SNTG1: variants seen among roughly 807,000 people sequenced by gnomAD.
SNTG1 encodes gamma-1-syntrophin.
SNTG1 carries 39 observed loss-of-function variants against 74.7 expected under a neutral mutation model. The ratio of observed to expected loss-of-function variants is 0.52; its 90% CI spans 0.40 to 0.68. The LOEUF (loss-of-function observed/expected upper bound fraction) is 0.68. Among genes scored for constraint, SNTG1 ranks in the 30% least tolerant of loss-of-function variants. SNTG1 has a pLI of 0.00. For synonymous variants in SNTG1, 254 were observed against 217.1 expected, an observed-to-expected ratio of 1.17 and a Z score of -1.49; for missense variants, 685 against 609.5, an observed-to-expected ratio of 1.12 and a Z score of -1.30.
intron 9 of SNTG1, among the ~76,000 whole-genome samples, chr8:50,515,318 A>G (rs1411169501): frequency 6.6e-6 from 1 of 151,548 alleles, no homozygotes; most frequent in Non-Finnish European, 1.5e-5. Context: ...AAAAATACAC[A>G]TACCTTAATT....
intron 1 of SNTG1, among the ~76,000 whole-genome samples, chr8:49,939,720 A>G (rs1808510342): frequency 6.6e-6 from 1 of 152,158 alleles, no homozygotes; most frequent in Non-Finnish European, 1.5e-5. Flanking sequence ...TAAAATAACC[A>G]AAATGAACAA....
chr8:50,132,074 A>G (rs2081336320), intron 1 of SNTG1, among the ~76,000 whole-genome samples: 1 of 152,028 alleles, frequency 6.6e-6, no homozygotes, highest in Admixed American at 6.6e-5. Flanking sequence ...TGTTTTGATT[A>G]CTGCAGCTTT....
rs550352112 is a variant in SNTG1 at position 50,779,234 on chromosome 8, G to T, written c.1396-13437G>T. The stretch of plus-strand genomic sequence containing the variant: ...CTTTAAAGTAGTTTTTTCCAATTCT[G>T]TGAAGAAAGTCATTGGTAGCTTGAT... On this transcript the variant is annotated intron_variant, in intron 18 of 18. Coordinates refer to ENST00000642720, the MANE Select transcript of SNTG1 (RefSeq NM_018967.5). Among the ~76,000 whole-genome samples the T allele has an allele frequency of 1.8e-4, 27 of 152,254 alleles. No individual in the cohort carries two copies. In the East Asian group the frequency reaches 2.5e-3, roughly 14 times the overall value.
intron 1 of SNTG1, among the ~76,000 whole-genome samples, chr8:49,950,777 T>C (rs1809629984): frequency 6.6e-6 from 1 of 152,182 alleles, no homozygotes; most frequent in African/African-American, 2.4e-5. Flanking sequence ...GCAAAAAGGC[T>C]GTGGACTCCT....
intron 1 of SNTG1, among the ~76,000 whole-genome samples, chr8:50,158,324 TA>T (rs1268292023): frequency 1.3e-5 from 2 of 152,062 alleles, no homozygotes; most frequent in Non-Finnish European, 2.9e-5. Context: ...TCTTAGGAAA[TA>T]AAAAACAATT....
chr8:50,138,831 T>C (rs1489477365), intron 1 of SNTG1, among the ~76,000 whole-genome samples: 1 of 151,856 alleles, frequency 6.6e-6, no homozygotes, highest in Non-Finnish European at 1.5e-5. Context: ...TAAAAGTGGG[T>C]AGGATTATTG....
At chr8:50,520,023 C>A (rs2094166330) in intron 9 of SNTG1, among the ~76,000 whole-genome samples, 1 of 152,168 alleles carries the variant, frequency 6.6e-6, no homozygotes, top group Admixed American at 6.5e-5. Flanking sequence ...AGGCATCATG[C>A]TACCTGACTT....
At chr8:50,479,662 G>C (rs2093724397) in intron 8 of SNTG1, among the ~76,000 whole-genome samples, 1 of 152,010 alleles carries the variant, frequency 6.6e-6, no homozygotes, top group Admixed American at 6.6e-5. Context: ...TCACTGTGGA[G>C]TCTAGCCTTT....
chr8:50,242,360 C>T (rs114113591), intron 2 of SNTG1, among the ~76,000 whole-genome samples: 2 of 151,586 alleles, frequency 1.3e-5, no homozygotes, highest in African/African-American at 4.8e-5. Context: ...GAAACCCCAT[C>T]TCTACTAACA....
At chr8:50,148,308 A>G (rs2081942495) in intron 1 of SNTG1, among the ~76,000 whole-genome samples, 1 of 152,164 alleles carries the variant, frequency 6.6e-6, no homozygotes, top group Non-Finnish European at 1.5e-5. Flanking sequence ...CAAGAAGTGG[A>G]GCTTAATATC....
intron 2 of SNTG1, among the ~76,000 whole-genome samples, chr8:50,232,667 A>G (rs2085688641): frequency 6.6e-6 from 1 of 151,448 alleles, no homozygotes; most frequent in South Asian, 2.1e-4. Context: ...TCACATGATC[A>G]CCTACATAGA....
chr8:50,219,785 G>A (rs924352820), intron 2 of SNTG1, among the ~76,000 whole-genome samples: 16 of 151,938 alleles, frequency 1.1e-4, no homozygotes, highest in African/African-American at 3.4e-4. Context: ...ATTTGGGTGG[G>A]GACACAAATC....
intron 8 of SNTG1, among the ~76,000 whole-genome samples, chr8:50,466,513 A>G (rs550693375): frequency 6.6e-6 from 1 of 152,120 alleles, no homozygotes; most frequent in South Asian, 2.1e-4. Flanking sequence ...ATTCTGTTGC[A>G]ATTTAAAGTC....
intron 1 of SNTG1, among the ~76,000 whole-genome samples, chr8:50,058,415 C>G (rs1011125924): frequency 8.5e-5 from 13 of 152,110 alleles, no homozygotes; most frequent in African/African-American, 2.4e-5. Context: ...ATCTAAGTCT[C>G]TATTTCCTAT....
intron 12 of SNTG1, among the ~76,000 whole-genome samples, chr8:50,556,479 A>G (rs2130640757): frequency 6.6e-6 from 1 of 152,304 alleles, no homozygotes. Context: ...TATAAATTGT[A>G]AAAAACAGTA....
chr8:50,608,968 A>G (rs1178950386), intron 13 of SNTG1, among the ~76,000 whole-genome samples: 2 of 152,006 alleles, frequency 1.3e-5, no homozygotes, highest in East Asian at 1.9e-4. Context: ...AATTATATAA[A>G]TATTTTGCTG....
chr8:49,990,833 A>G lies in SNTG1; in HGVS notation c.-103+78602A>G, dbSNP rs956692263. 2.6e-5 allele frequency among the ~76,000 whole-genome samples: 4 copies of G among 152,174 alleles called. No individual in the cohort carries two copies. The East Asian group carries it at 5.8e-4, about 22-fold the overall frequency. Reference sequence around the variant, plus strand: ...ATAAATAAGGCCTAAAACTACAAATATTATTCTTAGAAGAAAACATAGAAG... The same window carrying G: ...ATAAATAAGGCCTAAAACTACAAATGTTATTCTTAGAAGAAAACATAGAAG... On this transcript the variant is annotated intron_variant, in intron 1 of 18. Coordinates refer to ENST00000642720, the MANE Select transcript of SNTG1 (RefSeq NM_018967.5).
chr8:50,115,576 A>AAAAAAAAAAAAAGAAAAAAAC lies in SNTG1; in HGVS notation c.-102-56974_-102-56973insAGAAAAAAACAAAAAAAAAAA, dbSNP rs1482375164. 2.4e-5 allele frequency among the ~76,000 whole-genome samples: 2 copies of AAAAAAAAAAAAAGAAAAAAAC among 82,800 alleles called. 1 individual carries two copies. Among genetic ancestry groups the AAAAAAAAAAAAAGAAAAAAAC allele is most frequent in the Admixed American group, 3.7e-4 (2 of 5,424 alleles). 54.3% of individuals were successfully genotyped at this position (82,800 alleles called of 152,430 possible). On this transcript the variant is annotated intron_variant, in intron 1 of 18. Transcript: ENST00000642720. ...GAGCGAGACTCTGTCTCAAAAAAAA[A>AAAAAAAAAAAAAGAAAAAAAC]AAAAAAAAAAACGAGATGGTTGAAG...
intron 2 of SNTG1, among the ~76,000 whole-genome samples, chr8:50,375,283 A>T (rs1315376138): frequency 6.6e-6 from 1 of 152,176 alleles, no homozygotes; most frequent in Non-Finnish European, 1.5e-5. Context: ...GGTTGGGCAC[A>T]TTAGATTCTG....
Sources: gnomAD v4.1 joint callset for allele counts (sites outside exome capture counted in the v4.1 genomes callset) on GRCh38, gnomAD v4.1.1 for gene constraint, MANE v1.5 for transcripts, NCBI Gene and HGNC (gene_info 2026-07-23, HGNC 2026-07-21) for gene names.